The following NPTN variants were observed in gnomAD, a reference collection of about 807,000 sequenced individuals.
NPTN encodes the protein neuroplastin, also known as SDR-1.
NPTN carries 5 observed loss-of-function variants against 42.7 expected under a neutral mutation model. That is an observed-to-expected ratio of 0.12 (90% CI 0.06 to 0.25). The LOEUF (loss-of-function observed/expected upper bound fraction) is 0.25, where lower values mean the gene tolerates loss of function less well. Among genes scored for constraint, NPTN ranks in the 10% least tolerant of loss-of-function variants. NPTN has a pLI of 1.00. For missense variants in NPTN, 307 were observed against 525.4 expected (o/e 0.58, Z 4.06); for synonymous variants, 180 against 201.9 (o/e 0.89, Z 0.92).
chr15:73,588,566 C>T (rs1175403609), intron 3 of NPTN, among the ~76,000 whole-genome samples: 1 of 152,210 alleles, frequency 6.6e-6, no homozygotes, highest in African/African-American at 2.4e-5. Flanking sequence ...CTGTCCAGAT[C>T]TTCTGGTCTC....
intron 1 of NPTN, among the ~76,000 whole-genome samples, chr15:73,623,444 T>G (rs1364106243): frequency 1.3e-5 from 2 of 152,196 alleles, no homozygotes; most frequent in Non-Finnish European, 2.9e-5. Context: ...CCCAGCACTT[T>G]GGGAGGCACA....
At chr15:73,621,641 A>G (rs1211109597) in intron 1 of NPTN, among the ~76,000 whole-genome samples, 2 of 152,212 alleles carry the variant, frequency 1.3e-5, no homozygotes, top group African/African-American at 4.8e-5. Context: ...TGCCAAATCC[A>G]GTGTTCTTTC....
At chr15:73,587,700 C>CA in intron 3 of NPTN, 82 bp from the exon 4 acceptor site, 1 of 1,017,560 alleles carries the variant, frequency 9.8e-7, no homozygotes, top group Admixed American at 1.9e-5. Context: ...AAGGGGCAAT[C>CA]AGGGATCCTG....
intron 1 of NPTN, among the ~76,000 whole-genome samples, chr15:73,608,650 C>T (rs1280605874): frequency 1.4e-5 from 2 of 139,398 alleles, no homozygotes; most frequent in Non-Finnish European, 3.1e-5. Context: ...TTCCATAGAA[C>T]AAGGGGTATG....
chr15:73,596,893 GAA>G, intron 2 of NPTN, 127 bp downstream of exon 2: 2 of 750,936 alleles, frequency 2.7e-6, no homozygotes, highest in Non-Finnish European at 4.3e-6. Context: ...TCATGGGATT[GAA>G]AAAAAAACGA....
chr15:73,569,089 C>G lies in NPTN; in HGVS notation c.1114+1061G>C, dbSNP rs936667417. 1 of 985,684 alleles carries G rather than the reference C, an allele frequency of 1.0e-6. No individual in the cohort carries two copies. The highest frequency in any genetic ancestry group is 1.7e-5 in the African/African-American group (1 of 57,248). The allele number at this position is 985,684 out of a possible 1,614,324, so 61.1% of individuals were successfully genotyped here. On this transcript the variant is annotated intron_variant, in intron 6 of 8. Coordinates refer to ENST00000345330, the MANE Select transcript of NPTN (RefSeq NM_012428.4). This position sits in a 1 kb window ranked among gnomAD's most constrained non-coding sequence, Gnocchi z 4.1. ...AGAACAGCTGGACTACAGCTGGCAACCCCACCATCACCCCGGGTAGGCTAC... is the reference window on the plus strand; with the variant it reads ...AGAACAGCTGGACTACAGCTGGCAAGCCCACCATCACCCCGGGTAGGCTAC...
chr15:73,612,031 C>G (rs1382227471), intron 1 of NPTN, among the ~76,000 whole-genome samples: 2 of 151,964 alleles, frequency 1.3e-5, no homozygotes, highest in African/African-American at 4.8e-5. Context: ...TTAAATGATA[C>G]ATAAATGCAA....
rs866371569 is a variant in NPTN, at chr15:73,569,958, T to A, written c.1114+192A>T. On this transcript the variant is annotated intron_variant, in intron 6 of 8. Coordinates refer to ENST00000345330, the MANE Select transcript of NPTN (RefSeq NM_012428.4). This position sits in a 1 kb window ranked among gnomAD's most constrained non-coding sequence, Gnocchi z 4.1. ...CTCTAGATGGCTAATGCAAAAAAAATAAAAATAAAATAAAAATAAAAAATA... is the reference window on the plus strand; with the variant it reads ...CTCTAGATGGCTAATGCAAAAAAAAAAAAAATAAAATAAAAATAAAAAATA... 6.6e-6 allele frequency among the ~76,000 whole-genome samples: 1 copy of A among 151,432 alleles called. No homozygotes were observed. The highest frequency in any genetic ancestry group is 1.5e-5 in the Non-Finnish European group (1 of 67,846).
intron 4 of NPTN, among the ~76,000 whole-genome samples, chr15:73,586,311 T>A (rs1260324066): frequency 6.6e-6 from 1 of 152,214 alleles, no homozygotes. Flanking sequence ...ATTTTCATGT[T>A]GAATACATGT....
chr15:73,605,111 G>GGGGGGGA (rs1555410813), intron 1 of NPTN, among the ~76,000 whole-genome samples: 1 of 140,500 alleles, frequency 7.1e-6, no homozygotes, highest in African/African-American at 2.9e-5. Context: ...GGGGGGGGGG[G>GGGGGGGA]AAAAGAATGA....
chr15:73,588,484 A>C (rs1896427577), intron 3 of NPTN, among the ~76,000 whole-genome samples: 2 of 152,132 alleles, frequency 1.3e-5, no homozygotes, highest in African/African-American at 4.8e-5. Flanking sequence ...ATGCAGCAAA[A>C]AGTCTGGTGA....
chr15:73,629,829 T>C (rs1179741373), intron 1 of NPTN, among the ~76,000 whole-genome samples: 1 of 151,674 alleles, frequency 6.6e-6, no homozygotes, highest in Non-Finnish European at 1.5e-5. Flanking sequence ...CTTGAAAGAT[T>C]TGGTTCACAG....
At chr15:73,580,156 T>C (rs1225197447) in intron 4 of NPTN, among the ~76,000 whole-genome samples, 2 of 151,786 alleles carry the variant, frequency 1.3e-5, no homozygotes, top group South Asian at 2.1e-4. Flanking sequence ...CCAGAGACTA[T>C]GCTTTTTGTA....
chr15:73,612,593 C>A (rs1897645591), intron 1 of NPTN, among the ~76,000 whole-genome samples: 1 of 151,994 alleles, frequency 6.6e-6, no homozygotes, highest in Non-Finnish European at 1.5e-5. Flanking sequence ...TGGTGAAACC[C>A]CGCCTCTACT....
Position 73,563,706 on chromosome 15 carries a change from C to T in NPTN, c.1115-449G>A, listed in dbSNP as rs149127693. Reference sequence around the variant, plus strand: ...TGTGAATGGATGTGTACCATCTGTACATTTAGCCACACATCCTCACTTCCC... The same window carrying T: ...TGTGAATGGATGTGTACCATCTGTATATTTAGCCACACATCCTCACTTCCC... On this transcript the variant is annotated intron_variant, in intron 6 of 8. Coordinates refer to ENST00000345330, the MANE Select transcript of NPTN (RefSeq NM_012428.4). 1.8e-4 allele frequency: 41 copies of T among 227,942 alleles called. No individual in the cohort carries two copies. The East Asian group carries it at 7.1e-3, about 40-fold the overall frequency. 14.1% of individuals were successfully genotyped at this position (227,942 alleles called of 1,614,324 possible). A position where few individuals can be genotyped will look rare whatever the true frequency, so the allele number is the denominator to read the frequency against.
chr15:73,606,830 G>C (rs2141442621), intron 1 of NPTN, among the ~76,000 whole-genome samples: 1 of 152,230 alleles, frequency 6.6e-6, no homozygotes, highest in Non-Finnish European at 1.5e-5. Flanking sequence ...CAATATGTAG[G>C]CTTCTGAACC....
In NPTN at chr15:73,592,082, A is replaced by C; in HGVS notation, c.495T>G (p.Pro165=). 1.9e-6 allele frequency: 3 copies of C among 1,614,130 alleles called. No individual in the cohort carries two copies. Among genetic ancestry groups the C allele is most frequent in the African/African-American group, 1.3e-5 (1 of 75,058 alleles). ...AGGTGAGGTTACACTGCAGGGTGAC[A>C]GGGAGAACAGGGCTGTCTCGAATAA... The part of the protein sequence containing the change: ...EVIIRDSPVL[P]VTLQCNLTSS... Residue 165 remains proline, a synonymous_variant, in exon 3 of 9, where the codon CCT becomes CCG. Coordinates refer to ENST00000345330, the MANE Select transcript of NPTN (RefSeq NM_012428.4).
chr15:73,564,564 C>T (rs143386996), intron 6 of NPTN, among the ~76,000 whole-genome samples: 1 of 152,322 alleles, frequency 6.6e-6, no homozygotes. Context: ...CAGGAGTCCA[C>T]TACTAACAAC....
chr15:73,596,810 A>C (rs1566975871), intron 2 of NPTN, among the ~76,000 whole-genome samples: 6 of 151,986 alleles, frequency 3.9e-5, no homozygotes, highest in Admixed American at 3.3e-4. Flanking sequence ...GGGATAAGGG[A>C]GGCAGAGAGA....
Sources: allele counts gnomAD v4.1 joint callset (sites outside exome capture counted in the v4.1 genomes callset), GRCh38; gene constraint gnomAD v4.1.1; non-coding constraint Gnocchi (gnomAD v3.1); transcripts MANE v1.5; gene names NCBI Gene and HGNC (gene_info 2026-07-23, HGNC 2026-07-21).